PRKN: variants seen among roughly 807,000 people sequenced by gnomAD.
PRKN encodes parkin RBR E3 ubiquitin protein ligase.
In PRKN, 56 loss-of-function variants were observed where a neutral mutation model predicts 59.5. The ratio of observed to expected loss-of-function variants is 0.94; its 90% CI spans 0.76 to 1.18. PRKN has a LOEUF of 1.18. Ranked by LOEUF, PRKN falls within the 50% of genes most tolerant of loss-of-function variation. The probability of loss-of-function intolerance (pLI) is 0.00; values close to 1 mark genes in which losing one functional copy is unlikely to be tolerated. For missense variants in PRKN, 657 were observed against 596.4 expected (o/e 1.10, Z -1.06); for synonymous variants, 250 against 222.1 (o/e 1.13, Z -1.12).
rs1290366709 is a variant in PRKN at position 161,352,936 on chromosome 6, C to T, written c.1286-2725G>A. Among the ~76,000 whole-genome samples, 1 of 151,922 alleles carries T rather than the reference C, an allele frequency of 6.6e-6. No homozygotes were observed. The highest frequency in any genetic ancestry group is 1.5e-5 in the Non-Finnish European group (1 of 67,992). On this transcript the variant is annotated intron_variant, in intron 11 of 11. Coordinates refer to ENST00000366898, the MANE Select transcript of PRKN (RefSeq NM_004562.3). This position sits in a 1 kb window ranked among gnomAD's most constrained non-coding sequence, Gnocchi z 5.8. ...TTGGAATTACAGGCACCTGCCACCA[C>T]GCCTGGCTAAATTTTGTATTTTTAG...
intron 6 of PRKN, among the ~76,000 whole-genome samples, chr6:161,955,718 C>T (rs1031233789): frequency 5.3e-5 from 8 of 152,098 alleles, no homozygotes; most frequent in Non-Finnish European, 8.8e-5. Context: ...GGCATGGTGG[C>T]GAATGCCTGT....
chr6:161,637,636 C>CA (rs1271227353), intron 7 of PRKN, among the ~76,000 whole-genome samples: 1 of 151,374 alleles, frequency 6.6e-6, no homozygotes, highest in Non-Finnish European at 1.5e-5. Context: ...TAAAGAATTG[C>CA]TTAAAAGCAC....
intron 4 of PRKN, among the ~76,000 whole-genome samples, chr6:162,101,928 A>C (rs1779987368): frequency 6.6e-6 from 1 of 152,140 alleles, no homozygotes; most frequent in African/African-American, 2.4e-5. Context: ...CATTCACCAA[A>C]ATCAGGAACT....
At chr6:162,101,532 C>T (rs933466356) in intron 4 of PRKN, among the ~76,000 whole-genome samples, 16 of 151,624 alleles carry the variant, frequency 1.1e-4, no homozygotes, top group Admixed American at 5.9e-4. Flanking sequence ...ATTAGCCGGG[C>T]GTGGTGGCGG....
chr6:161,797,031 AGGAAGAATTAATGT>A (rs1307686595), intron 6 of PRKN, among the ~76,000 whole-genome samples: 1 of 152,226 alleles, frequency 6.6e-6, no homozygotes, highest in Admixed American at 6.5e-5. Context: ...ACCTCATGAC[AGGAAGAATTAATGT>A]GCTAAGAATC....
chr6:162,544,307 G>C (rs9346921), intron 1 of PRKN, among the ~76,000 whole-genome samples: 28,134 of 152,020 alleles, frequency 0.19, 3,239 homozygotes, highest in East Asian at 0.49. Context: ...TCCCACACGA[G>C]CAAACCTGGC....
chr6:162,216,272 T>C (rs1485297407), intron 3 of PRKN, among the ~76,000 whole-genome samples: 5 of 151,972 alleles, frequency 3.3e-5, no homozygotes, highest in Admixed American at 3.3e-4. Flanking sequence ...GGCTCACGCC[T>C]GTAATCCCAG....
At chr6:161,738,314 A>T (rs1194316514) in intron 7 of PRKN, among the ~76,000 whole-genome samples, 2 of 152,158 alleles carry the variant, frequency 1.3e-5, no homozygotes, top group Non-Finnish European at 2.9e-5. Flanking sequence ...CGATTCTAGC[A>T]TCGGATGTCA....
At chr6:162,388,555 C>T (rs963980342) in intron 2 of PRKN, among the ~76,000 whole-genome samples, 14 of 152,186 alleles carry the variant, frequency 9.2e-5, no homozygotes, top group African/African-American at 3.1e-4. Context: ...AGGTGACTGA[C>T]TCCCAAGCCA....
chr6:162,175,129 G>C (rs1015305630), intron 4 of PRKN, among the ~76,000 whole-genome samples: 2 of 152,194 alleles, frequency 1.3e-5, no homozygotes, highest in African/African-American at 4.8e-5. Context: ...AACTCTGGCT[G>C]TCTTATACAT....
intron 7 of PRKN, among the ~76,000 whole-genome samples, chr6:161,757,875 G>GTATATA (rs369226880): frequency 2.6e-4 from 6 of 23,482 alleles, no homozygotes; most frequent in African/African-American, 5.9e-4. Context: ...CTCTCTCTGT[G>GTATATA]TATATATATA....
rs534060238 is a variant in PRKN, at chr6:162,727,705, G to T, written c.-37C>A. The T allele has an allele frequency of 6.4e-6, 10 of 1,561,064 alleles. No homozygotes were observed. In the South Asian group the frequency reaches 1.1e-4, roughly 17 times the overall value. ...AGGTGGCGGCTGCGGGCCAGGAACA[G>T]GCCCATGCGCGCAGCGGCGCCAGCC... On this transcript the variant is annotated 5_prime_UTR_variant, in exon 1 of 12. It adds an upstream start codon to the 5' untranslated region. Coordinates refer to ENST00000366898, the MANE Select transcript of PRKN (RefSeq NM_004562.3).
intron 2 of PRKN, among the ~76,000 whole-genome samples, chr6:162,359,354 T>C (rs1432585024): frequency 1.3e-5 from 2 of 151,938 alleles, no homozygotes; most frequent in Non-Finnish European, 2.9e-5. Flanking sequence ...AGCCCTAACA[T>C]GGCCAATTCA....
In PRKN at chr6:162,346,158, A is replaced by T. The variant is rs556847921; in HGVS notation, c.172-83393T>A. Reference sequence around the variant, plus strand: ...CCAGGCTGTGGTATTCTGTTGTAACAACATAAAACAAAGACAATAACTTTT... The same window carrying T: ...CCAGGCTGTGGTATTCTGTTGTAACTACATAAAACAAAGACAATAACTTTT... On this transcript the variant is annotated intron_variant, in intron 2 of 11. Coordinates refer to ENST00000366898, the MANE Select transcript of PRKN (RefSeq NM_004562.3). 4.7e-4 allele frequency among the ~76,000 whole-genome samples: 72 copies of T among 152,324 alleles called. 1 individual carries two copies. The highest frequency in any genetic ancestry group is 1.7e-3 in the African/African-American group (69 of 41,566).
chr6:161,697,495 G>T (rs376065540), intron 7 of PRKN, among the ~76,000 whole-genome samples: 2 of 152,122 alleles, frequency 1.3e-5, no homozygotes, highest in African/African-American at 2.4e-5. Context: ...CCAAATGTAA[G>T]CTTGCCCTCT....
intron 4 of PRKN, among the ~76,000 whole-genome samples, chr6:162,140,726 T>C (rs936286068): frequency 6.6e-6 from 1 of 151,760 alleles, no homozygotes; most frequent in African/African-American, 2.4e-5. Context: ...AGCAATTTAA[T>C]GCAGGTGGAT....
chr6:161,718,914 C>T (rs146000233), intron 7 of PRKN, among the ~76,000 whole-genome samples: 329 of 152,290 alleles, frequency 2.2e-3, no homozygotes, highest in Middle Eastern at 6.8e-3. Flanking sequence ...GGGGCTTTAG[C>T]GGCATCTCAC....
At chr6:162,656,988 T>C (rs1778667870) in intron 1 of PRKN, among the ~76,000 whole-genome samples, 1 of 152,240 alleles carries the variant, frequency 6.6e-6, no homozygotes, top group Non-Finnish European at 1.5e-5. Flanking sequence ...CCAGGACTTC[T>C]ACTTTACAGA....
chr6:162,378,283 C>T (rs1355220881), intron 2 of PRKN, among the ~76,000 whole-genome samples: 2 of 152,180 alleles, frequency 1.3e-5, no homozygotes, highest in Non-Finnish European at 2.9e-5. Context: ...TTCAAGAATA[C>T]TTTTTTCTGT....
Sources: allele counts gnomAD v4.1 joint callset (sites outside exome capture counted in the v4.1 genomes callset), GRCh38; gene constraint gnomAD v4.1.1; non-coding constraint Gnocchi (gnomAD v3.1); transcripts MANE v1.5; gene names NCBI Gene and HGNC (gene_info 2026-07-23, HGNC 2026-07-21).